Variants in ZMAT3 observed in about 807,000 individuals in gnomAD.
ZMAT3 encodes zinc finger matrin-type protein 3.
In ZMAT3, 17 loss-of-function variants were observed where a neutral mutation model predicts 32.3. The ratio of observed to expected loss-of-function variants is 0.53; its 90% CI spans 0.36 to 0.79. The LOEUF (loss-of-function observed/expected upper bound fraction) is 0.79. Ranked by LOEUF, ZMAT3 falls within the 30% of genes least tolerant of loss-of-function variation. ZMAT3 has a pLI of 0.00. For synonymous variants in ZMAT3, 120 were observed against 133.1 expected (o/e 0.90, Z 0.68); for missense variants, 329 against 359.7 (o/e 0.91, Z 0.69).
At chr3:179,031,103 T>TTG in intron 2 of ZMAT3, 104 bp from the exon 3 acceptor site, 3 of 967,306 alleles carry the variant, frequency 3.1e-6, no homozygotes, top group African/African-American at 1.7e-5. Context: ...TAAGATATTT[T>TTG]GAGAGAGAGA....
Position 179,019,695 on chromosome 3 carries a change from CTA to C in ZMAT3, c.*5320_*5321del, listed in dbSNP as rs1026013458. ...AATTTAGAATTTTAAATTAATTAAA[CTA>C]GGGAAAATTTTGCTTTTAATGGCTT... On this transcript the variant is annotated 3_prime_UTR_variant, in exon 6 of 6. Coordinates refer to ENST00000311417, the MANE Select transcript of ZMAT3 (RefSeq NM_022470.4). 2 of 152,098 alleles carry C rather than the reference CTA, an allele frequency of 1.3e-5. No individual in the cohort carries two copies. Among genetic ancestry groups the C allele is most frequent in the Non-Finnish European group, 2.9e-5 (2 of 67,992 alleles). The allele number at this position is 152,098 out of a possible 1,614,324, so 9.4% of individuals were successfully genotyped here.
At chr3:179,064,450 G>GT (rs1721301941) in intron 2 of ZMAT3, among the ~76,000 whole-genome samples, 1 of 151,932 alleles carries the variant, frequency 6.6e-6, no homozygotes, top group African/African-American at 2.4e-5. Context: ...TCTTTTTTGT[G>GT]TGTTTTTTGT....
upstream of ZMAT3, chr3:179,072,130 T>G (rs183463682): frequency 6.6e-6 from 1 of 152,650 alleles, no homozygotes; most frequent in East Asian, 1.9e-4. Flanking sequence ...TTTTGCAACT[T>G]TCATCTCCAG....
chr3:179,063,505 T>C (rs917029946), intron 2 of ZMAT3, among the ~76,000 whole-genome samples: 1 of 152,254 alleles, frequency 6.6e-6, no homozygotes, highest in Non-Finnish European at 1.5e-5. Flanking sequence ...TGACAAATTT[T>C]ATAAATGTAC....
intron 3 of ZMAT3, among the ~76,000 whole-genome samples, chr3:179,029,820 T>C (rs1719081888): frequency 1.3e-5 from 2 of 152,226 alleles, no homozygotes; most frequent in African/African-American, 2.4e-5. Flanking sequence ...TTCTAAAATA[T>C]TGTATTAAAT....
chr3:179,057,628 G>C (rs1028353977), intron 2 of ZMAT3, among the ~76,000 whole-genome samples: 38 of 152,290 alleles, frequency 2.5e-4, no homozygotes, highest in Non-Finnish European at 1.0e-4. Context: ...ACTACCTGTG[G>C]CTACAAGGTT....
chr3:179,041,344 T>C (rs1280764894), intron 2 of ZMAT3, among the ~76,000 whole-genome samples: 1 of 152,174 alleles, frequency 6.6e-6, no homozygotes, highest in Non-Finnish European at 1.5e-5. Context: ...AAAGTATTCC[T>C]CAGCAAATGT....
chr3:179,065,804 G>A (rs766942013), intron 2 of ZMAT3, among the ~76,000 whole-genome samples: 3 of 152,106 alleles, frequency 2.0e-5, no homozygotes, highest in Non-Finnish European at 4.4e-5. Context: ...TACTCGAGAG[G>A]GTGAGGCATG....
At chr3:179,035,746 T>C (rs1182646949) in intron 2 of ZMAT3, among the ~76,000 whole-genome samples, 1 of 152,294 alleles carries the variant, frequency 6.6e-6, no homozygotes, top group Non-Finnish European at 1.5e-5. Flanking sequence ...AACTGTTGGA[T>C]AAATGAACCA....
chr3:179,036,015 A>G (rs1332380815), intron 2 of ZMAT3, among the ~76,000 whole-genome samples: 1 of 152,180 alleles, frequency 6.6e-6, no homozygotes, highest in Non-Finnish European at 1.5e-5. Flanking sequence ...TTTGGAGGAG[A>G]GGCAAAAATT....
rs1389658828 is a variant in ZMAT3 at position 179,032,651 on chromosome 3, G to A, written c.271-1652C>T. On this transcript the variant is annotated intron_variant, in intron 2 of 5. Transcript: ENST00000311417. Reference sequence around the variant, plus strand: ...ATGTGAAGAGCACCTCTGCCCGGCCGCGACCCCGTCTGGGAACTGAGGAGT... The same window carrying A: ...ATGTGAAGAGCACCTCTGCCCGGCCACGACCCCGTCTGGGAACTGAGGAGT... 7.3e-5 allele frequency among the ~76,000 whole-genome samples: 11 copies of A among 151,278 alleles called. No homozygotes were observed. The South Asian group carries it at 1.0e-3, about 14-fold the overall frequency.
chr3:179,038,459 T>A (rs1719726427), intron 2 of ZMAT3, among the ~76,000 whole-genome samples: 1 of 152,064 alleles, frequency 6.6e-6, no homozygotes, highest in African/African-American at 2.4e-5. Context: ...AAACCTATGG[T>A]CCCAGCTGCT....
chr3:179,030,816 T>C (rs888405661), intron 3 of ZMAT3, 64 bp downstream of exon 3: 179 of 1,556,902 alleles, frequency 1.1e-4, no homozygotes, highest in Non-Finnish European at 1.5e-4. Context: ...ATGTCATCTA[T>C]AACCATTTGT....
chr3:179,040,194 A>C (rs1719840180), intron 2 of ZMAT3, among the ~76,000 whole-genome samples: 1 of 152,328 alleles, frequency 6.6e-6, no homozygotes, highest in South Asian at 2.1e-4. Flanking sequence ...CCAACCTAGC[A>C]AGGCAGGCCA....
rs998703850 is a variant in ZMAT3, at chr3:179,021,254, A to C, written c.*3763T>G. The C allele has an allele frequency of 2.5e-4, 38 of 152,192 alleles. No individual in the cohort carries two copies. The highest frequency in any genetic ancestry group is 8.7e-4 in the African/African-American group (36 of 41,450). The allele number at this position is 152,192 out of a possible 1,614,324, so 9.4% of individuals were successfully genotyped here. A position where few individuals can be genotyped will look rare whatever the true frequency, so the allele number is the denominator to read the frequency against. On this transcript the variant is annotated 3_prime_UTR_variant, in exon 6 of 6. Coordinates refer to ENST00000311417, the MANE Select transcript of ZMAT3 (RefSeq NM_022470.4). ...ATGATGCACAATGTGAAGACCAACA[A>C]AGTATTTTCAAAGCATCTTCAGTGC...
intron 2 of ZMAT3, among the ~76,000 whole-genome samples, chr3:179,031,836 G>T (rs1427568303): frequency 1.3e-5 from 2 of 151,406 alleles, no homozygotes; most frequent in African/African-American, 4.9e-5. Context: ...TAACCTGGGA[G>T]GCGGAGGTTG....
chr3:179,048,613 G>C (rs549200209), intron 2 of ZMAT3, among the ~76,000 whole-genome samples: 42 of 152,276 alleles, frequency 2.8e-4, no homozygotes, highest in African/African-American at 9.1e-4. Flanking sequence ...AAAAACTTCT[G>C]AGAGAATTTG....
chr3:179,023,689 AATATATCTAT>A lies in ZMAT3; in HGVS notation c.*1318_*1327del, dbSNP rs1345237609. ...CTTTGTTTCCTAAAAACTGCTGGAA[AATATATCTAT>A]ATATATATATATTTTTTTTTTTTTT... On this transcript the variant is annotated 3_prime_UTR_variant, in exon 6 of 6. Transcript: ENST00000311417. The A allele has an allele frequency of 9.5e-5, 4 of 42,264 alleles. No individual in the cohort carries two copies. Among genetic ancestry groups the A allele is most frequent in the African/African-American group, 2.7e-4 (2 of 7,432 alleles). 2.6% of individuals were successfully genotyped at this position (42,264 alleles called of 1,614,324 possible).
At chr3:179,058,628 C>T (rs1283451987) in intron 2 of ZMAT3, among the ~76,000 whole-genome samples, 4 of 150,996 alleles carry the variant, frequency 2.6e-5, no homozygotes, top group Admixed American at 1.3e-4. Flanking sequence ...TAGTGGCGGG[C>T]GCCTGTAGTC....
Sources: allele counts gnomAD v4.1 joint callset (sites outside exome capture counted in the v4.1 genomes callset), GRCh38; gene constraint gnomAD v4.1.1; transcripts MANE v1.5; gene names NCBI Gene and HGNC (gene_info 2026-07-23, HGNC 2026-07-21).